The following ST8SIA1 variants were observed in gnomAD, a reference collection of about 807,000 sequenced individuals.
The protein encoded by ST8SIA1 is alpha-N-acetylneuraminide alpha-2,8-sialyltransferase.
Under a neutral mutation model 35.9 loss-of-function variants are expected in ST8SIA1, and 16 were observed. That is an observed-to-expected ratio of 0.45 (90% confidence interval 0.30 to 0.68). The LOEUF is 0.68. Among genes scored for constraint, ST8SIA1 ranks in the 30% least tolerant of loss-of-function variants. ST8SIA1 has a pLI of 0.09. For missense variants in ST8SIA1, 383 were observed against 453.6 expected, an observed-to-expected ratio of 0.84 and a Z score of 1.41; for synonymous variants, 170 against 169.6, an observed-to-expected ratio of 1.00 and a Z score of -0.02.
chr12:22,328,499 CTGTT>C (rs1417824374), intron 1 of ST8SIA1, among the ~76,000 whole-genome samples: 68 of 152,190 alleles, frequency 4.5e-4, no homozygotes, highest in African/African-American at 1.5e-3. Flanking sequence ...GTATATTTCT[CTGTT>C]TATTTTCTGT....
At chr12:22,218,877 G>A (rs1338661943) in intron 4 of ST8SIA1, among the ~76,000 whole-genome samples, 3 of 151,924 alleles carry the variant, frequency 2.0e-5, no homozygotes, top group Admixed American at 2.0e-4. Flanking sequence ...GGAATAATAA[G>A]TGCAGGGATC....
rs1224831167 is a variant in ST8SIA1, at chr12:22,200,465, T to C, written c.*1087A>G. The C allele has an allele frequency of 6.6e-6, 1 of 152,226 alleles. No individual in the cohort carries two copies. Among genetic ancestry groups the C allele is most frequent in the African/African-American group, 2.4e-5 (1 of 41,456 alleles). 9.4% of individuals were successfully genotyped at this position (152,226 alleles called of 1,614,324 possible). On this transcript the variant is annotated 3_prime_UTR_variant, in exon 5 of 5. Coordinates refer to ENST00000396037, the MANE Select transcript of ST8SIA1 (RefSeq NM_003034.4). ...TAAGCCTTTTACATTTTTAATGGTATACTAGTAAAAATGTATTCTTTTTTA... is the reference window on the plus strand; with the variant it reads ...TAAGCCTTTTACATTTTTAATGGTACACTAGTAAAAATGTATTCTTTTTTA...
intron 4 of ST8SIA1, among the ~76,000 whole-genome samples, chr12:22,228,705 T>C (rs961971181): frequency 2.6e-5 from 4 of 152,190 alleles, no homozygotes; most frequent in Admixed American, 2.0e-4. Context: ...CAAGTGATAC[T>C]GGCATCTGAA....
At chr12:22,273,689 C>T (rs1254804838) in intron 2 of ST8SIA1, among the ~76,000 whole-genome samples, 1 of 152,148 alleles carries the variant, frequency 6.6e-6, no homozygotes, top group Non-Finnish European at 1.5e-5. Context: ...AAAACATAGG[C>T]TCTAGGTACA....
chr12:22,241,666 G>A (rs540719200), intron 4 of ST8SIA1, among the ~76,000 whole-genome samples: 6 of 142,608 alleles, frequency 4.2e-5, no homozygotes, highest in East Asian at 4.2e-4. Context: ...GCAGTGGCGC[G>A]ATCTCTGCTC....
At chr12:22,254,914 T>C (rs1015950520) in intron 3 of ST8SIA1, among the ~76,000 whole-genome samples, 15 of 152,208 alleles carry the variant, frequency 9.9e-5, no homozygotes, top group Non-Finnish European at 1.6e-4. Context: ...AATGAATCCA[T>C]TAAAGCATTT....
intron 4 of ST8SIA1, among the ~76,000 whole-genome samples, chr12:22,218,611 C>CT: frequency 4.7e-5 from 1 of 21,306 alleles, no homozygotes. Flanking sequence ...AAGCGAGACT[C>CT]AAAATAAATA....
At chr12:22,302,626 A>G (rs978631720) in intron 1 of ST8SIA1, among the ~76,000 whole-genome samples, 11 of 152,218 alleles carry the variant, frequency 7.2e-5, no homozygotes, top group African/African-American at 2.4e-4. Flanking sequence ...TTCTTGTAAA[A>G]TGTTTTCTCC....
chr12:22,316,323 A>C (rs1213912838), intron 1 of ST8SIA1, among the ~76,000 whole-genome samples: 1 of 152,256 alleles, frequency 6.6e-6, no homozygotes, highest in East Asian at 1.9e-4. Flanking sequence ...ACTATGGAAG[A>C]AAAGTGGGAC....
intron 1 of ST8SIA1, among the ~76,000 whole-genome samples, chr12:22,305,786 C>A (rs1387798519): frequency 6.6e-6 from 1 of 152,120 alleles, no homozygotes; most frequent in Non-Finnish European, 1.5e-5. Flanking sequence ...TAACTATAAA[C>A]CCAGCCCAAA....
chr12:22,280,780 G>A (rs1866023642), intron 2 of ST8SIA1, among the ~76,000 whole-genome samples: 1 of 152,202 alleles, frequency 6.6e-6, no homozygotes, highest in African/African-American at 2.4e-5. Context: ...GAAGATAACA[G>A]ATATTTGGAC....
At chr12:22,291,521 G>C (rs1183580039) in intron 1 of ST8SIA1, among the ~76,000 whole-genome samples, 1 of 152,224 alleles carries the variant, frequency 6.6e-6, no homozygotes, top group Non-Finnish European at 1.5e-5. Context: ...ATCAATGCCA[G>C]TGCTGGCATC....
At position 22,199,426 on chromosome 12, in the gene ST8SIA1, T is replaced by C. The variant is rs1039825376; in HGVS notation, c.*2126A>G. On this transcript the variant is annotated 3_prime_UTR_variant, in exon 5 of 5. Coordinates refer to ENST00000396037, the MANE Select transcript of ST8SIA1 (RefSeq NM_003034.4). The stretch of plus-strand genomic sequence containing the variant: ...TTTTAATGGTAGACTAGTAAAAATG[T>C]ATTCTTTTTTAGGTAACTGCTAAAT... 5.3e-5 allele frequency: 8 copies of C among 152,200 alleles called. No individual in the cohort carries two copies. The allele number at this position is 152,200 out of a possible 1,614,324, so 9.4% of individuals were successfully genotyped here.
intron 1 of ST8SIA1, among the ~76,000 whole-genome samples, chr12:22,303,941 T>C (rs544852615): frequency 5.8e-4 from 88 of 151,718 alleles, no homozygotes; most frequent in Non-Finnish European, 1.2e-3. Context: ...GAAAAGACTT[T>C]CATTTTTGAC....
chr12:22,311,361 T>C (rs954407168), intron 1 of ST8SIA1, among the ~76,000 whole-genome samples: 3 of 152,122 alleles, frequency 2.0e-5, no homozygotes, highest in Admixed American at 1.3e-4. Context: ...TAGAGGGGGA[T>C]AGAAGAATTT....
chr12:22,240,753 A>G lies in ST8SIA1; in HGVS notation c.584+8253T>C, dbSNP rs376949513. On this transcript the variant is annotated intron_variant, in intron 4 of 4. Coordinates refer to ENST00000396037, the MANE Select transcript of ST8SIA1 (RefSeq NM_003034.4). ...CCCTGCGATTATCTCTACATTCTCA[A>G]TTCCCTTTATTAAACTTAGAGGCAC... is the stretch of plus-strand genomic sequence containing the variant. Among the ~76,000 whole-genome samples the G allele has an allele frequency of 3.8e-3, 580 of 152,218 alleles. 39 individuals carry two copies. The South Asian group carries it at 0.11, about 30-fold the overall frequency.
chr12:22,274,144 G>A (rs1159002097), intron 2 of ST8SIA1, among the ~76,000 whole-genome samples: 4 of 152,220 alleles, frequency 2.6e-5, no homozygotes, highest in African/African-American at 7.2e-5. Context: ...CAAGGTATGA[G>A]GATGAGAAGC....
intron 2 of ST8SIA1, among the ~76,000 whole-genome samples, chr12:22,276,688 G>A (rs1243026064): frequency 1.3e-5 from 2 of 152,186 alleles, no homozygotes; most frequent in African/African-American, 4.8e-5. Flanking sequence ...CAGTTGGGGT[G>A]TTCCTAACTG....
At chr12:22,248,552 C>T (rs1260377790) in intron 4 of ST8SIA1, among the ~76,000 whole-genome samples, 1 of 152,308 alleles carries the variant, frequency 6.6e-6, no homozygotes, top group East Asian at 1.9e-4. Context: ...ACTATAACCA[C>T]ATATTCTTGT....
Sources: allele counts gnomAD v4.1 joint callset (sites outside exome capture counted in the v4.1 genomes callset), GRCh38; gene constraint gnomAD v4.1.1; transcripts MANE v1.5; gene names NCBI Gene and HGNC (gene_info 2026-07-23, HGNC 2026-07-21).